The following DYM variants were observed in gnomAD, a reference collection of about 807,000 sequenced individuals.
DYM encodes the protein dyggve-Melchior-Clausen syndrome protein.
In DYM, 78 loss-of-function variants were observed where a neutral mutation model predicts 93.1. That is an observed-to-expected ratio of 0.84 (90% CI 0.70 to 1.01). The LOEUF (loss-of-function observed/expected upper bound fraction) is 1.01. Among genes scored for constraint, DYM ranks in the 50% least tolerant of loss-of-function variants. The pLI, the probability that DYM is intolerant of heterozygous loss-of-function variation, is 0.00. For synonymous variants in DYM, 321 were observed against 319.7 expected, an observed-to-expected ratio of 1.00 and a Z score of -0.04; for missense variants, 789 against 845.0, an observed-to-expected ratio of 0.93 and a Z score of 0.82.
intron 3 of DYM, among the ~76,000 whole-genome samples, chr18:49,380,000 TATCTC>T (rs760086280): frequency 5.3e-5 from 8 of 152,166 alleles, no homozygotes; most frequent in Non-Finnish European, 1.2e-4. Context: ...GTAGCCATCT[TATCTC>T]AGAATCCAAA....
intron 5 of DYM, among the ~76,000 whole-genome samples, chr18:49,364,926 A>G (rs1347453795): frequency 6.6e-6 from 1 of 152,168 alleles, no homozygotes; most frequent in Non-Finnish European, 1.5e-5. Flanking sequence ...AATAATCTAT[A>G]AAGTATCTAT....
intron 11 of DYM, among the ~76,000 whole-genome samples, chr18:49,271,405 T>A (rs956440885): frequency 1.3e-5 from 2 of 152,140 alleles, no homozygotes; most frequent in African/African-American, 4.8e-5. Flanking sequence ...CCGACAAGCG[T>A]GCTGGGAACC....
At chr18:49,074,713 C>T (rs577654719) in intron 17 of DYM, among the ~76,000 whole-genome samples, 2 of 152,252 alleles carry the variant, frequency 1.3e-5, no homozygotes, top group South Asian at 2.1e-4. Flanking sequence ...AAATGACTAC[C>T]GAGTTTAACG....
intron 14 of DYM, among the ~76,000 whole-genome samples, chr18:49,168,974 T>C (rs1378836203): frequency 6.6e-6 from 1 of 152,022 alleles, no homozygotes; most frequent in African/African-American, 2.4e-5. Context: ...GGGTGAGAAG[T>C]GGCAAGAAAT....
chr18:49,128,980 C>A (rs907479869), intron 15 of DYM, among the ~76,000 whole-genome samples: 3 of 152,046 alleles, frequency 2.0e-5, no homozygotes, highest in African/African-American at 7.2e-5. Context: ...ATCTGTAAAC[C>A]TGTGTGTCAT....
chr18:49,451,280 G>A (rs2082496278), intron 1 of DYM, among the ~76,000 whole-genome samples: 1 of 152,142 alleles, frequency 6.6e-6, no homozygotes, highest in African/African-American at 2.4e-5. Flanking sequence ...AGTGAAATAA[G>A]AATCCATTTT....
At chr18:49,241,422 C>A (rs906912502) in intron 13 of DYM, among the ~76,000 whole-genome samples, 1 of 152,206 alleles carries the variant, frequency 6.6e-6, no homozygotes, top group Non-Finnish European at 1.5e-5. Flanking sequence ...AACAGAAATT[C>A]TGTACCTTAT....
intron 17 of DYM, among the ~76,000 whole-genome samples, chr18:49,087,965 TG>T (rs1477959452): frequency 6.6e-6 from 1 of 152,154 alleles, no homozygotes; most frequent in African/African-American, 2.4e-5. Context: ...TTGATGGGGT[TG>T]TTTTTTTCTT....
chr18:49,370,297 A>AC (rs1415554966), intron 5 of DYM, among the ~76,000 whole-genome samples: 1 of 150,278 alleles, frequency 6.7e-6, no homozygotes, highest in Non-Finnish European at 1.5e-5. Context: ...AAAAAAAAAA[A>AC]AACAAAACAG....
intron 13 of DYM, among the ~76,000 whole-genome samples, chr18:49,230,273 C>T (rs1476166077): frequency 6.6e-6 from 1 of 152,130 alleles, no homozygotes; most frequent in African/African-American, 2.4e-5. Context: ...GTCGAATATA[C>T]CAACTGTATT....
At chr18:49,413,431 G>T (rs370147139) in intron 2 of DYM, among the ~76,000 whole-genome samples, 1 of 152,158 alleles carries the variant, frequency 6.6e-6, no homozygotes, top group South Asian at 2.1e-4. Flanking sequence ...TTACGTTAGC[G>T]AATCCTTTTA....
rs80110741 is a variant in DYM at position 49,061,176 on chromosome 18, A to C, written c.2026-16972T>G. ...CTATCAGACAAGATAGGAGGTGATAATATCATCTGAAGTGTGCAAATAAGT... is the reference window on the plus strand; with the variant it reads ...CTATCAGACAAGATAGGAGGTGATACTATCATCTGAAGTGTGCAAATAAGT... On this transcript the variant is annotated intron_variant, in intron 17 of 17. Transcript: ENST00000675505. Among the ~76,000 whole-genome samples, 1,309 of 152,250 alleles carry C rather than the reference A, an allele frequency of 8.6e-3. 21 individuals are homozygous for C. The highest frequency in any genetic ancestry group is 0.029 in the African/African-American group (1,212 of 41,530).
At chr18:49,424,837 G>T (rs1275831579) in intron 2 of DYM, among the ~76,000 whole-genome samples, 1 of 152,052 alleles carries the variant, frequency 6.6e-6, no homozygotes. Flanking sequence ...AACTTACAAG[G>T]GATGTGAAAG....
chr18:49,329,318 G>A (rs1035160310), intron 8 of DYM, among the ~76,000 whole-genome samples: 2 of 151,206 alleles, frequency 1.3e-5, no homozygotes, highest in Non-Finnish European at 2.9e-5. Context: ...ATAGCATTAG[G>A]AGAAATACCT....
intron 2 of DYM, among the ~76,000 whole-genome samples, chr18:49,402,350 A>T (rs1399898376): frequency 6.6e-6 from 1 of 152,246 alleles, no homozygotes; most frequent in African/African-American, 2.4e-5. Flanking sequence ...TTAGAGCAGC[A>T]GCAAGATGGT....
intron 17 of DYM, among the ~76,000 whole-genome samples, chr18:49,091,919 C>G (rs1300323010): frequency 2.0e-5 from 3 of 151,862 alleles, no homozygotes; most frequent in African/African-American, 7.3e-5. Context: ...AGCCTTGACA[C>G]ATTATTTTTA....
At chr18:49,062,590 G>A (rs1599448123) in intron 17 of DYM, among the ~76,000 whole-genome samples, 2 of 152,172 alleles carry the variant, frequency 1.3e-5, no homozygotes, top group Admixed American at 6.5e-5. Context: ...TTGCACCAAC[G>A]GCACAGTGCC....
At position 49,172,769 on chromosome 18, in the gene DYM, A is replaced by T. The variant is rs1474706430; in HGVS notation, c.1626-8982T>A. Among the ~76,000 whole-genome samples, 3 of 152,204 alleles carry T rather than the reference A, an allele frequency of 2.0e-5. No homozygotes were observed. The East Asian group carries it at 5.8e-4, about 29-fold the overall frequency. On this transcript the variant is annotated intron_variant, in intron 14 of 17. Coordinates refer to ENST00000675505, the MANE Select transcript of DYM (RefSeq NM_001353214.3). ...AAAACAGTGTCTTTTGAAGAGCAAA[A>T]ATTTTAAATTTGATGAAATTCATCA...
chr18:49,144,044 C>T (rs1203891359), intron 15 of DYM, among the ~76,000 whole-genome samples: 1 of 152,132 alleles, frequency 6.6e-6, no homozygotes, highest in Non-Finnish European at 1.5e-5. Flanking sequence ...CCAGCCAGTG[C>T]TCAACTTTCT....
Sources: gnomAD v4.1 joint callset for allele counts (sites outside exome capture counted in the v4.1 genomes callset) on GRCh38, gnomAD v4.1.1 for gene constraint, MANE v1.5 for transcripts, NCBI Gene and HGNC (gene_info 2026-07-23, HGNC 2026-07-21) for gene names.